CSPP1: variants seen among roughly 807,000 people sequenced by gnomAD.
CSPP1 encodes the protein centrosome and spindle pole-associated protein 1.
Under a neutral mutation model 164.4 loss-of-function variants are expected in CSPP1, and 126 were observed. That is an observed-to-expected ratio of 0.77 (90% CI 0.66 to 0.89). CSPP1 has a LOEUF of 0.89. Among genes scored for constraint, CSPP1 ranks in the 40% least tolerant of loss-of-function variants. CSPP1 has a pLI of 0.00. For missense variants in CSPP1, 1,395 were observed against 1,449.8 expected (o/e 0.96, Z 0.61); for synonymous variants, 472 against 476.7 (o/e 0.99, Z 0.13).
chr8:67,094,192 C>T (rs1812227308), intron 6 of CSPP1, among the ~76,000 whole-genome samples: 2 of 143,772 alleles, frequency 1.4e-5, no homozygotes, highest in Non-Finnish European at 3.0e-5. Context: ...CTTTCTATAT[C>T]CTTTGTGTTG....
chr8:67,102,454 G>A (rs1276011167), intron 7 of CSPP1, among the ~76,000 whole-genome samples: 2 of 152,130 alleles, frequency 1.3e-5, no homozygotes, highest in African/African-American at 2.4e-5. Context: ...GCCAGGTATG[G>A]TGGTGCGCGC....
intron 24 of CSPP1, among the ~76,000 whole-genome samples, chr8:67,170,357 TG>T (rs1830238629): frequency 6.6e-6 from 1 of 151,756 alleles, no homozygotes; most frequent in Admixed American, 6.6e-5. Context: ...CTTGGGAGGC[TG>T]AGGCAGGAGA....
rs535107917 is a variant in CSPP1, at chr8:67,138,907, G to A, written c.1975+1304G>A. Among the ~76,000 whole-genome samples the A allele has an allele frequency of 2.2e-3, 339 of 152,174 alleles. 3 individuals are homozygous for A. The highest frequency in any genetic ancestry group is 8.0e-3 in the Admixed American group (122 of 15,286). On this transcript the variant is annotated intron_variant, in intron 17 of 30. Transcript: ENST00000678616. The stretch of plus-strand genomic sequence containing the variant: ...TGGTATTGCCTAGGTTTTCTTCTAG[G>A]GTTTTTATGGTTTTAGATCTAACAT...
At chr8:67,155,567 G>A (rs1368709355) in intron 19 of CSPP1, among the ~76,000 whole-genome samples, 1 of 152,084 alleles carries the variant, frequency 6.6e-6, no homozygotes. Flanking sequence ...AGGCCAAGGT[G>A]GGCAGATCTC....
rs535439019 is a variant in CSPP1 at position 67,125,989 on chromosome 8, C to T, written c.1698-5962C>T. ...CTGGGATTACAGGCATGCGCCACCA[C>T]GCTTGGTTAATTGTGTATTTTTGCT... is the stretch of plus-strand genomic sequence containing the variant. On this transcript the variant is annotated intron_variant, in intron 15 of 30. Coordinates refer to ENST00000678616, the MANE Select transcript of CSPP1 (RefSeq NM_001382391.1). Among the ~76,000 whole-genome samples, 21 of 152,190 alleles carry T rather than the reference C, an allele frequency of 1.4e-4. No individual in the cohort carries two copies. The South Asian group carries it at 3.5e-3, about 26-fold the overall frequency.
At chr8:67,147,773 ATCTT>A (rs760842427) in intron 17 of CSPP1, among the ~76,000 whole-genome samples, 2 of 151,860 alleles carry the variant, frequency 1.3e-5, no homozygotes, top group Non-Finnish European at 2.9e-5. Context: ...TGTGAGCATG[ATCTT>A]TCTTCTAAGG....
At chr8:67,066,944 T>C (rs1348655837) in intron 1 of CSPP1, among the ~76,000 whole-genome samples, 2 of 152,050 alleles carry the variant, frequency 1.3e-5, no homozygotes, top group Non-Finnish European at 2.9e-5. Flanking sequence ...GTAGTAAAGA[T>C]GGGGTTTTGT....
chr8:67,190,748 GGACTA>G lies in CSPP1; in HGVS notation c.3323_3327del (p.Leu1108HisfsTer2). 6.2e-7 allele frequency: 1 copy of G among 1,608,802 alleles called. No homozygotes were observed. Among genetic ancestry groups the G allele is most frequent in the East Asian group, 2.2e-5 (1 of 44,852 alleles). On this transcript the variant is annotated frameshift_variant, in exon 29 of 31. Coordinates refer to ENST00000678616, the MANE Select transcript of CSPP1 (RefSeq NM_001382391.1). LOFTEE classifies it high-confidence loss of function. Reference sequence around the variant, plus strand: ...GGAGCGCAGGAGGAACAAATGGAAAGGACTAGACATTGTATGTATGAGACTTTTCT... The same window carrying G: ...GGAGCGCAGGAGGAACAAATGGAAAGGACATTGTATGTATGAGACTTTTCT...
Position 67,164,402 on chromosome 8 carries a change from A to C in CSPP1, c.2722A>C (p.Asn908His). The C allele has an allele frequency of 6.4e-7, 1 of 1,566,344 alleles. No homozygotes were observed. The highest frequency in any genetic ancestry group is 1.1e-5 in the South Asian group (1 of 89,568). Residue 908 changes from asparagine (N) to histidine (H), a missense_variant, in exon 24 of 31, where the codon AAT becomes CAT. Coordinates refer to ENST00000678616, the MANE Select transcript of CSPP1 (RefSeq NM_001382391.1). ...NQLRAEEEKK[N>H]VIMELSEMRK... is the part of the protein sequence containing the mutation. ...ATGGGAATTTGCAGAGGAGAAAAAAAATGTAATTATGGAATTATCAGAAAT... is the reference window on the plus strand; with the variant it reads ...ATGGGAATTTGCAGAGGAGAAAAAACATGTAATTATGGAATTATCAGAAAT...
intron 7 of CSPP1, chr8:67,099,386 T>A (rs532003926): frequency 2.6e-5 from 4 of 152,140 alleles, no homozygotes; most frequent in Non-Finnish European, 4.4e-5. Flanking sequence ...AGTAATTTGG[T>A]GGGAGAGTAT....
intron 26 of CSPP1, 108 bp downstream of exon 26, chr8:67,175,544 C>A: frequency 7.7e-7 from 1 of 1,295,854 alleles, no homozygotes; most frequent in Non-Finnish European, 1.1e-6. Context: ...CTTTCACTGG[C>A]AGCCCCATGC....
chr8:67,196,235 T>A lies in CSPP1; in HGVS notation c.*642T>A. On this transcript the variant is annotated 3_prime_UTR_variant, in exon 31 of 31. Coordinates refer to ENST00000678616, the MANE Select transcript of CSPP1 (RefSeq NM_001382391.1). The stretch of plus-strand genomic sequence containing the variant: ...TACATGATGTAACTACTTCTTGATA[T>A]AAATAAATTTTTATTTTAATTACTA... The A allele has an allele frequency of 6.6e-6, 1 of 152,352 alleles. No individual in the cohort carries two copies. Among genetic ancestry groups the A allele is most frequent in the Non-Finnish European group, 1.5e-5 (1 of 68,032 alleles). The allele number at this position is 152,352 out of a possible 1,614,324, so 9.4% of individuals were successfully genotyped here.
chr8:67,100,067 C>T lies in CSPP1; in HGVS notation c.924-2970C>T, dbSNP rs1379461489. Reference sequence around the variant, plus strand: ...TTTTAGTGAAATGCTTATTTCTGCTCTTTTTTAGCCTCTTAAACATTTTTC... The same window carrying T: ...TTTTAGTGAAATGCTTATTTCTGCTTTTTTTTAGCCTCTTAAACATTTTTC... On this transcript the variant is annotated intron_variant, in intron 7 of 30. Transcript: ENST00000678616. 5.3e-5 allele frequency among the ~76,000 whole-genome samples: 8 copies of T among 152,176 alleles called. No homozygotes were observed. The East Asian group carries it at 1.5e-3, about 29-fold the overall frequency.
Position 67,122,035 on chromosome 8 carries a change from A to ATTAT in CSPP1, c.1697+3233_1697+3236dup, listed in dbSNP as rs559337948. 3.5e-3 allele frequency among the ~76,000 whole-genome samples: 533 copies of ATTAT among 151,636 alleles called. 2 individuals are homozygous for ATTAT. Among genetic ancestry groups the ATTAT allele is most frequent in the Middle Eastern group, 0.017 (5 of 290 alleles). ...CTTTGTGAATTTCTGATTATATTTT[A>ATTAT]TTATTTATTTATTTATTTATTTTTC... is the stretch of plus-strand genomic sequence containing the variant. On this transcript the variant is annotated intron_variant, in intron 15 of 30. Coordinates refer to ENST00000678616, the MANE Select transcript of CSPP1 (RefSeq NM_001382391.1).
chr8:67,104,351 C>T (rs1344763423), intron 8 of CSPP1, among the ~76,000 whole-genome samples: 1 of 150,616 alleles, frequency 6.6e-6, no homozygotes, highest in African/African-American at 2.4e-5. Flanking sequence ...GAAACCTTGA[C>T]TTTACAGGCT....
In CSPP1 at chr8:67,158,535, G is replaced by C. The variant is rs1064130; in HGVS notation, c.2330G>C (p.Arg777Thr). Residue 777 changes from arginine (R) to threonine (T), a missense_variant, in exon 20 of 31, where the codon AGG becomes ACG. Coordinates refer to ENST00000678616, the MANE Select transcript of CSPP1 (RefSeq NM_001382391.1). ...EKEERRLAEQ[R>T]ARIQQEYEEE... The stretch of plus-strand genomic sequence containing the variant: ...GAAGAAAGACGGCTTGCAGAACAGA[G>C]GGCACGAATTCAGCAGGAGTATGAA... 1 of 1,612,326 alleles carries C rather than the reference G, an allele frequency of 6.2e-7. No homozygotes were observed. The highest frequency in any genetic ancestry group is 2.2e-5 in the East Asian group (1 of 44,818).
rs770817675 is a variant in CSPP1 at position 67,116,066 on chromosome 8, A to G, written c.1440A>G (p.Gln480=). 1.2e-6 allele frequency: 2 copies of G among 1,614,112 alleles called. No individual in the cohort carries two copies. Among genetic ancestry groups the G allele is most frequent in the South Asian group, 1.1e-5 (1 of 91,080 alleles). ...CATCAGTTCATCCTGTTCCTTCTCA[A>G]AATGAAGATTTGCGCAGTGGACTCA... ...PIPSVHPVPS[Q]NEDLRSGLSS... The change falls in exon 13 of 31, where the codon CAA becomes CAG. Residue 480 remains glutamine, a synonymous_variant. Coordinates refer to ENST00000678616, the MANE Select transcript of CSPP1 (RefSeq NM_001382391.1).
chr8:67,177,125 A>G (rs1389329389), intron 26 of CSPP1, among the ~76,000 whole-genome samples: 2 of 151,844 alleles, frequency 1.3e-5, no homozygotes, highest in African/African-American at 4.8e-5. Context: ...AATCACAAAC[A>G]TGTCTATTAA....
intron 19 of CSPP1, among the ~76,000 whole-genome samples, chr8:67,156,156 A>G (rs1488807407): frequency 1.3e-5 from 2 of 152,204 alleles, no homozygotes; most frequent in Non-Finnish European, 2.9e-5. Context: ...TGTTTTTGAG[A>G]TACTTTTACA....
Sources: gnomAD v4.1 joint callset for allele counts (sites outside exome capture counted in the v4.1 genomes callset) on GRCh38, gnomAD v4.1.1 for gene constraint, MANE v1.5 for transcripts, NCBI Gene and HGNC (gene_info 2026-07-23, HGNC 2026-07-21) for gene names.